Variants in HDAC8 observed in about 807,000 individuals in gnomAD.
HDAC8 encodes the protein histone deacetylase 8.
In HDAC8, 1 loss-of-function variant was observed where a neutral mutation model predicts 32.2. The ratio of observed to expected loss-of-function variants is 0.03; its 90% CI spans 0.01 to 0.15. The LOEUF is 0.15. Among genes scored for constraint, HDAC8 ranks in the 10% least tolerant of loss-of-function variants. The pLI, the probability that HDAC8 is intolerant of heterozygous loss-of-function variation, is 1.00. For synonymous variants in HDAC8, 108 were observed against 113.9 expected (o/e 0.95, Z 0.33); for missense variants, 117 against 300.0 (o/e 0.39, Z 4.51).
intron 4 of HDAC8, among the ~76,000 whole-genome samples, chrX:72,519,692 T>C (rs1432919486): frequency 2.7e-5 from 3 of 111,538 alleles, no homozygotes; most frequent in African/African-American, 9.8e-5. Flanking sequence ...CGGGCTCAAG[T>C]GATCCTCCTG....
chrX:72,572,421 C>G (rs782391346), intron 1 of HDAC8: 1 of 410,245 alleles, frequency 2.4e-6, no homozygotes, highest in East Asian at 4.0e-5. Flanking sequence ...CTCCGTACCC[C>G]CTCCCCCACT....
At chrX:72,439,365 A>G (rs1334759541) in intron 9 of HDAC8, among the ~76,000 whole-genome samples, 3 of 111,532 alleles carry the variant, frequency 2.7e-5, no homozygotes, top group Middle Eastern at 4.7e-3. Flanking sequence ...AAACATACCA[A>G]ATTGTAAAGA....
At chrX:72,521,948 G>A (rs2049996021) in intron 4 of HDAC8, among the ~76,000 whole-genome samples, 1 of 111,425 alleles carries the variant, frequency 9.0e-6, no homozygotes, top group African/African-American at 3.3e-5. Context: ...CAGGTTCATG[G>A]CTTGCCACGG....
rs782625912 is a variant in HDAC8, at chrX:72,353,235, T to C, written c.1006-1397A>G. 3.6e-5 allele frequency among the ~76,000 whole-genome samples: 4 copies of C among 112,262 alleles called. No homozygotes were observed. In the East Asian group the frequency reaches 1.1e-3, roughly 31 times the overall value. On this transcript the variant is annotated intron_variant, in intron 9 of 10. Transcript: ENST00000373573. ...GGGATTCTAACAGTGTCTTTGTAGA[T>C]TCCATGGAAGTAACTTGATTGGGAG...
At chrX:72,522,579 C>A (rs1247830970) in intron 4 of HDAC8, among the ~76,000 whole-genome samples, 1 of 112,013 alleles carries the variant, frequency 8.9e-6, no homozygotes, top group East Asian at 2.8e-4. Context: ...AGAGTCATTG[C>A]CAGTGGTATG....
At chrX:72,530,974 G>A (rs1556035557) in intron 4 of HDAC8, among the ~76,000 whole-genome samples, 1 of 112,068 alleles carries the variant, frequency 8.9e-6, no homozygotes, top group Non-Finnish European at 1.9e-5. Context: ...ATTAAGCCGT[G>A]CCTTGAAGGA....
chrX:72,554,974 C>T (rs1350960193), intron 4 of HDAC8, among the ~76,000 whole-genome samples: 1 of 111,811 alleles, frequency 8.9e-6, no homozygotes, highest in Admixed American at 9.5e-5. Context: ...AACACAAAAC[C>T]GGTGCACTTA....
chrX:72,521,940 G>C (rs1351457319), intron 4 of HDAC8, among the ~76,000 whole-genome samples: 4 of 111,362 alleles, frequency 3.6e-5, no homozygotes, highest in African/African-American at 1.3e-4. Context: ...TCCATACCCA[G>C]GTTCATGGCT....
chrX:72,571,326 T>C (rs970033746), intron 2 of HDAC8, among the ~76,000 whole-genome samples: 1 of 110,699 alleles, frequency 9.0e-6, no homozygotes, highest in Non-Finnish European at 1.9e-5. Context: ...AAATCTGGCT[T>C]AGAATGAAAC....
At chrX:72,474,335 C>T (rs1430965471) in intron 7 of HDAC8, 9 of 764,854 alleles carry the variant, frequency 1.2e-5, no homozygotes, top group Middle Eastern at 6.8e-4. Flanking sequence ...CTAACTTCCT[C>T]GAGGGTAGAA....
chrX:72,379,882 G>A (rs2045219108), intron 9 of HDAC8, among the ~76,000 whole-genome samples: 1 of 110,521 alleles, frequency 9.0e-6, no homozygotes, highest in Non-Finnish European at 1.9e-5. Context: ...TGCTTGGTTA[G>A]GTTAGTCGTC....
At chrX:72,517,753 C>T (rs2147354883) in intron 4 of HDAC8, among the ~76,000 whole-genome samples, 1 of 112,124 alleles carries the variant, frequency 8.9e-6, no homozygotes, top group African/African-American at 3.2e-5. Context: ...TTTCTGGACT[C>T]CCAATTCTAT....
chrX:72,437,617 C>A (rs1432911003), intron 9 of HDAC8, among the ~76,000 whole-genome samples: 4 of 112,208 alleles, frequency 3.6e-5, no homozygotes, highest in Middle Eastern at 9.2e-3. Flanking sequence ...GCCAGCACAG[C>A]AGTCTGAAGA....
intron 9 of HDAC8, among the ~76,000 whole-genome samples, chrX:72,374,794 T>TTTTC (rs1257544594): frequency 9.0e-6 from 1 of 110,908 alleles, no homozygotes; most frequent in Non-Finnish European, 1.9e-5. Flanking sequence ...TTTCTTTTTC[T>TTTTC]TTTCTTTCTT....
chrX:72,441,532 T>G (rs2047146765), intron 9 of HDAC8, among the ~76,000 whole-genome samples: 1 of 111,593 alleles, frequency 9.0e-6, no homozygotes, highest in Non-Finnish European at 1.9e-5. Flanking sequence ...CAAAAACCCA[T>G]CTTTACATCA....
At chrX:72,553,912 T>C (rs1263139246) in intron 4 of HDAC8, among the ~76,000 whole-genome samples, 1 of 112,537 alleles carries the variant, frequency 8.9e-6, no homozygotes, top group Non-Finnish European at 1.9e-5. Context: ...TCAATTCCTC[T>C]ATTTATTAGT....
At chrX:72,403,717 C>T (rs782680670) in intron 9 of HDAC8, among the ~76,000 whole-genome samples, 1 of 111,493 alleles carries the variant, frequency 9.0e-6, no homozygotes, top group South Asian at 3.8e-4. Flanking sequence ...ATCCCAGCTA[C>T]TTGGGAGGCT....
At chrX:72,524,434 C>T (rs782458159) in intron 4 of HDAC8, among the ~76,000 whole-genome samples, 2 of 111,732 alleles carry the variant, frequency 1.8e-5, no homozygotes, top group African/African-American at 6.5e-5. Context: ...TTGATCACAG[C>T]GCTCTTTCCC....
chrX:72,471,878 T>G (rs1843046776), intron 7 of HDAC8, among the ~76,000 whole-genome samples: 1 of 111,242 alleles, frequency 9.0e-6, no homozygotes, highest in South Asian at 3.7e-4. Context: ...ATTTCTTCTT[T>G]TTTTGCTTAT....
Sources: allele counts gnomAD v4.1 joint callset (sites outside exome capture counted in the v4.1 genomes callset), GRCh38; gene constraint gnomAD v4.1.1; transcripts MANE v1.5; gene names NCBI Gene and HGNC (gene_info 2026-07-23, HGNC 2026-07-21).